The following GALNT17 variants were observed in gnomAD, a reference collection of about 807,000 sequenced individuals.
GALNT17 encodes the protein UDP-GalNAc:polypeptide N-acetylgalactosaminyltransferase-like 3.
In GALNT17, 29 loss-of-function variants were observed where a neutral mutation model predicts 63.7. That is an observed-to-expected ratio of 0.46 (90% CI 0.34 to 0.62). The LOEUF (loss-of-function observed/expected upper bound fraction) is 0.62. GALNT17 is among the 20% of genes least tolerant of loss of function. The pLI is 0.01. For synonymous variants in GALNT17, 305 were observed against 318.3 expected (o/e 0.96, Z 0.45); for missense variants, 603 against 799.6 (o/e 0.75, Z 2.97).
intron 6 of GALNT17, among the ~76,000 whole-genome samples, chr7:71,574,918 C>T (rs1222912783): frequency 1.3e-5 from 2 of 152,108 alleles, no homozygotes; most frequent in African/African-American, 2.4e-5. Flanking sequence ...CTTTCTAGTC[C>T]CTTCTCCAGG....
Position 71,712,074 on chromosome 7 carries a change from C to A in GALNT17, c.1725C>A (p.Gly575=). The A allele has an allele frequency of 6.2e-7, 1 of 1,614,094 alleles. No homozygotes were observed. Among genetic ancestry groups the A allele is most frequent in the Middle Eastern group, 1.6e-4 (1 of 6,062 alleles). Residue 575 remains glycine, a synonymous_variant, in exon 11 of 11, where the codon GGC becomes GGA. Transcript: ENST00000333538. ...GCTGCCTGGAGGTGGAGAACCGGGG[C>A]CTGGCTGGCATCGACCTCATCCTCC... ...TGRCLEVENR[G]LAGIDLILRS...
intron 5 of GALNT17, among the ~76,000 whole-genome samples, chr7:71,499,541 T>C (rs1460937489): frequency 6.6e-6 from 1 of 152,178 alleles, no homozygotes; most frequent in Non-Finnish European, 1.5e-5. Context: ...ATACCACATA[T>C]AGCAGCATTT....
At chr7:71,176,014 G>A (rs561167881) in intron 1 of GALNT17, among the ~76,000 whole-genome samples, 1 of 152,108 alleles carries the variant, frequency 6.6e-6, no homozygotes, top group Non-Finnish European at 1.5e-5. Context: ...AAATGTGGAG[G>A]TCTGTAGTCA....
At chr7:71,491,810 C>T (rs1788013301) in intron 5 of GALNT17, among the ~76,000 whole-genome samples, 1 of 152,166 alleles carries the variant, frequency 6.6e-6, no homozygotes, top group African/African-American at 2.4e-5. Flanking sequence ...CTGGGAGTCT[C>T]ACTTTGAGAT....
At chr7:71,643,423 G>A (rs1224441281) in intron 6 of GALNT17, among the ~76,000 whole-genome samples, 1 of 151,944 alleles carries the variant, frequency 6.6e-6, no homozygotes, top group Non-Finnish European at 1.5e-5. Flanking sequence ...AGCTGAGATT[G>A]CACCACTACA....
At chr7:71,164,759 T>A (rs900741165) in intron 1 of GALNT17, among the ~76,000 whole-genome samples, 2 of 152,204 alleles carry the variant, frequency 1.3e-5, no homozygotes, top group Non-Finnish European at 2.9e-5. Flanking sequence ...TCATTCACTT[T>A]TAAAGATGAG....
intron 1 of GALNT17, among the ~76,000 whole-genome samples, chr7:71,210,603 A>T (rs1057208380): frequency 1.3e-5 from 2 of 152,214 alleles, no homozygotes; most frequent in African/African-American, 4.8e-5. Flanking sequence ...TAGATACACC[A>T]TATTGGTAAA....
chr7:71,547,156 CTTATTA>C (rs566358604), intron 5 of GALNT17, among the ~76,000 whole-genome samples: 2 of 148,928 alleles, frequency 1.3e-5, no homozygotes, highest in African/African-American at 5.0e-5. Flanking sequence ...CACACCCAGT[CTTATTA>C]TTATTATTAT....
chr7:71,667,172 C>A (rs577006309), intron 7 of GALNT17, among the ~76,000 whole-genome samples: 2 of 152,056 alleles, frequency 1.3e-5, no homozygotes, highest in Admixed American at 1.3e-4. Flanking sequence ...GATGGCAGCC[C>A]CTATGTATCA....
chr7:71,208,995 T>A (rs976231894), intron 1 of GALNT17, among the ~76,000 whole-genome samples: 17 of 152,318 alleles, frequency 1.1e-4, no homozygotes, highest in African/African-American at 3.8e-4. Context: ...TTTTCAGCTC[T>A]GTGGGCCATA....
chr7:71,623,692 T>C (rs1286819471), intron 6 of GALNT17, among the ~76,000 whole-genome samples: 1 of 152,174 alleles, frequency 6.6e-6, no homozygotes, highest in Admixed American at 6.5e-5. Flanking sequence ...TGCCTCAGCC[T>C]CCCAAGGTGC....
At chr7:71,276,134 C>T (rs747350306) in intron 1 of GALNT17, among the ~76,000 whole-genome samples, 10 of 152,144 alleles carry the variant, frequency 6.6e-5, no homozygotes, top group African/African-American at 2.4e-4. Context: ...GCGGCCTCTC[C>T]GGCACCTGAG....
intron 1 of GALNT17, among the ~76,000 whole-genome samples, chr7:71,148,260 A>G (rs1323245386): frequency 3.3e-5 from 5 of 152,228 alleles, no homozygotes; most frequent in Non-Finnish European, 5.9e-5. Flanking sequence ...TCATGTCACT[A>G]TATTTCTTTT....
rs541840406 is a variant in GALNT17, at chr7:71,288,750, G to A, written c.239-46800G>A. 4.6e-5 allele frequency among the ~76,000 whole-genome samples: 7 copies of A among 152,202 alleles called. No individual in the cohort carries two copies. The East Asian group carries it at 1.4e-3, about 30-fold the overall frequency. ...GAAATCCAGAGGGTCCCAGAACTGG[G>A]TCAGGGCAGCACACATTGCTGGAGG... On this transcript the variant is annotated intron_variant, in intron 1 of 10. Transcript: ENST00000333538.
At chr7:71,515,745 T>A (rs530277984) in intron 5 of GALNT17, among the ~76,000 whole-genome samples, 1 of 152,302 alleles carries the variant, frequency 6.6e-6, no homozygotes, top group African/African-American at 2.4e-5. Context: ...CAGGTCTCAA[T>A]CAATTTAGAG....
At chr7:71,249,763 A>T (rs1452041373) in intron 1 of GALNT17, among the ~76,000 whole-genome samples, 1 of 152,200 alleles carries the variant, frequency 6.6e-6, no homozygotes, top group African/African-American at 2.4e-5. Flanking sequence ...AGATCCAAGT[A>T]GAAGAAATTC....
intron 3 of GALNT17, among the ~76,000 whole-genome samples, chr7:71,413,396 G>A (rs372033627): frequency 3.3e-5 from 5 of 151,098 alleles, no homozygotes; most frequent in Non-Finnish European, 5.9e-5. Context: ...GCAGAGTTTC[G>A]CCCTTGTTTC....
intron 2 of GALNT17, among the ~76,000 whole-genome samples, chr7:71,381,977 C>G (rs1215981680): frequency 1.3e-5 from 2 of 152,070 alleles, no homozygotes; most frequent in African/African-American, 4.8e-5. Context: ...GGCAGAGGGA[C>G]AGGAGAACTG....
chr7:71,447,790 C>G (rs879085025), intron 5 of GALNT17, among the ~76,000 whole-genome samples: 1 of 152,150 alleles, frequency 6.6e-6, no homozygotes, highest in South Asian at 2.1e-4. Flanking sequence ...ATACTGTTAA[C>G]TAATTCAGCT....
Sources: allele counts gnomAD v4.1 joint callset (sites outside exome capture counted in the v4.1 genomes callset), GRCh38; gene constraint gnomAD v4.1.1; transcripts MANE v1.5; gene names NCBI Gene and HGNC (gene_info 2026-07-23, HGNC 2026-07-21).